Variants in KYNU observed in about 807,000 individuals in gnomAD.
The protein encoded by KYNU is L-kynurenine hydrolase.
In KYNU, 54 loss-of-function variants were observed where a neutral mutation model predicts 59.2. That is an observed-to-expected ratio of 0.91 (90% CI 0.73 to 1.14). The LOEUF (loss-of-function observed/expected upper bound fraction) is 1.14, where lower values mean the gene tolerates loss of function less well. Among genes scored for constraint, KYNU ranks in the 50% most tolerant of loss-of-function variants. KYNU has a pLI of 0.00. For missense variants in KYNU, 567 were observed against 554.4 expected (o/e 1.02, Z -0.23); for synonymous variants, 177 against 192.0 (o/e 0.92, Z 0.65).
At chr2:142,884,642 A>G (rs138939002) in intron 1 of KYNU, among the ~76,000 whole-genome samples, 4 of 139,380 alleles carry the variant, frequency 2.9e-5, no homozygotes, top group African/African-American at 7.9e-5. Flanking sequence ...TATCTAATTT[A>G]GTCCTTTCAA....
At chr2:142,990,893 G>A (rs1685379774) in intron 10 of KYNU, among the ~76,000 whole-genome samples, 1 of 151,810 alleles carries the variant, frequency 6.6e-6, no homozygotes, top group Non-Finnish European at 1.5e-5. Context: ...CTCCTTTATT[G>A]TAAAGAGTAA....
chr2:142,928,806 G>A (rs763320658), intron 4 of KYNU, among the ~76,000 whole-genome samples: 2 of 151,716 alleles, frequency 1.3e-5, no homozygotes, highest in African/African-American at 2.4e-5. Flanking sequence ...TCAGGAGTTC[G>A]AGACCAGCCT....
rs1405704828 is a variant in KYNU at position 143,006,671 on chromosome 2, A to T, written c.902+20650A>T. ...AAATGTCCCTGTCTGACAGCTTTGA[A>T]GAGAGCAGTGGCTCTCCCAGCACGC... On this transcript the variant is annotated intron_variant, in intron 10 of 13. Transcript: ENST00000264170. Among the ~76,000 whole-genome samples, 8 of 151,152 alleles carry T rather than the reference A, an allele frequency of 5.3e-5. No individual in the cohort carries two copies. The East Asian group carries it at 1.6e-3, about 30-fold the overall frequency.
At chr2:142,946,869 C>T (rs761714351) in intron 4 of KYNU, among the ~76,000 whole-genome samples, 4 of 152,150 alleles carry the variant, frequency 2.6e-5, no homozygotes, top group Admixed American at 6.5e-5. Context: ...ACTGAAAATC[C>T]GTTGTTTAGT....
chr2:142,996,529 A>G (rs1218486522), intron 10 of KYNU, among the ~76,000 whole-genome samples: 1 of 152,198 alleles, frequency 6.6e-6, no homozygotes, highest in East Asian at 1.9e-4. Context: ...CTTACCATTC[A>G]GTCTGGGCAG....
chr2:142,888,337 A>G (rs549344570), intron 2 of KYNU, among the ~76,000 whole-genome samples: 1 of 152,206 alleles, frequency 6.6e-6, no homozygotes, highest in East Asian at 1.9e-4. Flanking sequence ...ATGTGCTTTT[A>G]CTGCCAGTTA....
At chr2:142,967,142 T>C (rs1684571973) in intron 8 of KYNU, among the ~76,000 whole-genome samples, 1 of 152,110 alleles carries the variant, frequency 6.6e-6, no homozygotes, top group Admixed American at 6.6e-5. Context: ...TCTAATTTCA[T>C]CTAAAGTGGC....
intron 8 of KYNU, among the ~76,000 whole-genome samples, chr2:142,975,994 C>T (rs532734913): frequency 2.6e-5 from 4 of 152,166 alleles, no homozygotes; most frequent in African/African-American, 7.2e-5. Context: ...GTCACAGGTG[C>T]GACTAGCTGG....
At chr2:142,911,976 A>T (rs1461136425) in intron 2 of KYNU, among the ~76,000 whole-genome samples, 1 of 151,694 alleles carries the variant, frequency 6.6e-6, no homozygotes, top group Admixed American at 6.6e-5. Flanking sequence ...TTTTGCTTCA[A>T]TGGGGATATT....
At chr2:142,905,404 T>C (rs936184140) in intron 2 of KYNU, among the ~76,000 whole-genome samples, 8 of 152,226 alleles carry the variant, frequency 5.3e-5, no homozygotes, top group Non-Finnish European at 1.0e-4. Context: ...TGAATACCCA[T>C]TGTGGTTTTT....
chr2:142,946,562 A>C (rs1300885911), intron 4 of KYNU, among the ~76,000 whole-genome samples: 1 of 152,186 alleles, frequency 6.6e-6, no homozygotes, highest in East Asian at 1.9e-4. Context: ...TTTTCTGAGC[A>C]TTAGGTCTCA....
chr2:142,896,863 A>T (rs907976265), intron 2 of KYNU, among the ~76,000 whole-genome samples: 2 of 152,220 alleles, frequency 1.3e-5, no homozygotes, highest in Non-Finnish European at 2.9e-5. Context: ...CACAGTCTGT[A>T]GCTATCTTTT....
At chr2:142,975,244 G>A (rs1375584013) in intron 8 of KYNU, among the ~76,000 whole-genome samples, 1 of 152,144 alleles carries the variant, frequency 6.6e-6, no homozygotes, top group Non-Finnish European at 1.5e-5. Flanking sequence ...AAGGAGAGAA[G>A]AAGCATCTGA....
intron 10 of KYNU, among the ~76,000 whole-genome samples, chr2:143,000,430 A>G (rs931183879): frequency 1.5e-4 from 23 of 152,156 alleles, no homozygotes; most frequent in African/African-American, 5.1e-4. Flanking sequence ...TATTCTATTG[A>G]TCTTACTCTT....
chr2:142,940,917 C>T (rs1052620481), intron 4 of KYNU, among the ~76,000 whole-genome samples: 1 of 152,162 alleles, frequency 6.6e-6, no homozygotes, highest in African/African-American at 2.4e-5. Flanking sequence ...TGCCAGTTTA[C>T]TATAAAGATA....
At chr2:142,938,066 A>G (rs538069734) in intron 4 of KYNU, among the ~76,000 whole-genome samples, 25 of 152,334 alleles carry the variant, frequency 1.6e-4, no homozygotes, top group African/African-American at 5.5e-4. Flanking sequence ...GGGTTAGAGT[A>G]GAGGGTACCT....
In KYNU at chr2:143,004,477, G is replaced by A. The variant is rs191512189; in HGVS notation, c.902+18456G>A. Among the ~76,000 whole-genome samples, 374 of 152,294 alleles carry A rather than the reference G, an allele frequency of 2.5e-3. 1 individual carries two copies. Among genetic ancestry groups the A allele is most frequent in the Middle Eastern group, 0.017 (5 of 294 alleles). On this transcript the variant is annotated intron_variant, in intron 10 of 13. Coordinates refer to ENST00000264170, the MANE Select transcript of KYNU (RefSeq NM_003937.3). ...TGTATTCCCAGCACTTTGGGAAGCCGAGGTCAGTGGATCACTTGAGGTCAG... is the reference window on the plus strand; with the variant it reads ...TGTATTCCCAGCACTTTGGGAAGCCAAGGTCAGTGGATCACTTGAGGTCAG...
intron 3 of KYNU, among the ~76,000 whole-genome samples, chr2:142,919,749 C>T (rs142379402): frequency 2.2e-4 from 34 of 152,098 alleles, no homozygotes; most frequent in Middle Eastern, 3.4e-3. Flanking sequence ...GCCTGGCCAA[C>T]GTGGCGAAAC....
At chr2:142,963,417 C>T (rs765058346) in intron 8 of KYNU, among the ~76,000 whole-genome samples, 2 of 152,100 alleles carry the variant, frequency 1.3e-5, no homozygotes, top group Non-Finnish European at 2.9e-5. Context: ...CTGGGAAGTG[C>T]AAGATCAAGA....
Sources: gnomAD v4.1 joint callset for allele counts (sites outside exome capture counted in the v4.1 genomes callset) on GRCh38, gnomAD v4.1.1 for gene constraint, MANE v1.5 for transcripts, NCBI Gene and HGNC (gene_info 2026-07-23, HGNC 2026-07-21) for gene names.